Variants in INSC observed in about 807,000 individuals in gnomAD.
INSC encodes INSC spindle orientation adaptor protein.
In INSC, 67 loss-of-function variants were observed where a neutral mutation model predicts 58.6. That is an observed-to-expected ratio of 1.14 (90% CI 0.94 to 1.40). The LOEUF is 1.40. INSC is among the 40% of genes most tolerant of loss of function. The pLI is 0.00. For missense variants in INSC, 714 were observed against 692.0 expected, an observed-to-expected ratio of 1.03 and a Z score of -0.36; for synonymous variants, 262 against 276.1, an observed-to-expected ratio of 0.95 and a Z score of 0.51.
At chr11:15,119,534 C>T (rs914155062) in intron 1 of INSC, among the ~76,000 whole-genome samples, 8 of 152,226 alleles carry the variant, frequency 5.3e-5, no homozygotes, top group African/African-American at 1.7e-4. Flanking sequence ...CTGTAGGCGT[C>T]AGCAGTTTGG....
chr11:15,151,814 G>A (rs565180079), intron 2 of INSC, among the ~76,000 whole-genome samples: 77 of 152,264 alleles, frequency 5.1e-4, no homozygotes, highest in African/African-American at 1.8e-3. Flanking sequence ...CTGGAGCCCA[G>A]GGTCCACACA....
intron 1 of INSC, among the ~76,000 whole-genome samples, chr11:15,121,450 G>T (rs980163818): frequency 1.3e-5 from 2 of 152,218 alleles, no homozygotes; most frequent in Non-Finnish European, 2.9e-5. Flanking sequence ...CTGCAGTGAG[G>T]TTATGTCCTC....
chr11:15,255,014 G>A, the INSC span, among the ~76,000 whole-genome samples: 3 of 152,126 alleles, frequency 2.0e-5, no homozygotes, highest in Non-Finnish European at 2.9e-5. Flanking sequence ...AACAATTCCT[G>A]CTAAGTAGTT....
chr11:15,154,050 A>G (rs972975455), intron 2 of INSC, among the ~76,000 whole-genome samples: 1 of 145,580 alleles, frequency 6.9e-6, no homozygotes, highest in African/African-American at 2.5e-5. Context: ...TGGACCAAGA[A>G]CTTACTTTGA....
Position 15,116,219 on chromosome 11 carries a change from G to T in INSC, c.-46+1216G>T, listed in dbSNP as rs895455338. On this transcript the variant is annotated intron_variant, in intron 1 of 12. Transcript: ENST00000379556. ...CCAGGTCAGGCTGGGATCTGACATG[G>T]AGCTCAGCATATATAATTTGCTCCA... Among the ~76,000 whole-genome samples, 3 of 152,294 alleles carry T rather than the reference G, an allele frequency of 2.0e-5. No homozygotes were observed. The East Asian group carries it at 5.8e-4, about 29-fold the overall frequency.
the INSC span, among the ~76,000 whole-genome samples, chr11:15,265,371 A>G: frequency 6.6e-6 from 1 of 152,084 alleles, no homozygotes; most frequent in Non-Finnish European, 1.5e-5. Context: ...TTCTGGAATA[A>G]TTTGTAAGAT....
At chr11:15,127,531 T>G (rs1416298558) in intron 1 of INSC, among the ~76,000 whole-genome samples, 1 of 152,208 alleles carries the variant, frequency 6.6e-6, no homozygotes, top group African/African-American at 2.4e-5. Context: ...TTGGTCAGCA[T>G]CCTGTCCTGT....
chr11:15,169,669 G>T (rs940881602), intron 2 of INSC, among the ~76,000 whole-genome samples: 3 of 151,946 alleles, frequency 2.0e-5, no homozygotes, highest in Non-Finnish European at 4.4e-5. Context: ...AACCTCCCGA[G>T]TAGCTGGGAT....
intron 5 of INSC, among the ~76,000 whole-genome samples, chr11:15,178,760 T>C (rs1238010967): frequency 6.6e-6 from 1 of 152,118 alleles, no homozygotes; most frequent in Non-Finnish European, 1.5e-5. Context: ...TCTACTTTCA[T>C]TATTACTCCC....
chr11:15,114,594 G>C (rs981221788), upstream of INSC, among the ~76,000 whole-genome samples: 3 of 152,188 alleles, frequency 2.0e-5, no homozygotes, highest in Non-Finnish European at 2.9e-5. Flanking sequence ...ACGGCTTCGC[G>C]GCTCCCGGGC....
chr11:15,161,335 A>G (rs1446031773), intron 2 of INSC, among the ~76,000 whole-genome samples: 1 of 152,246 alleles, frequency 6.6e-6, no homozygotes, highest in Non-Finnish European at 1.5e-5. Flanking sequence ...AAAAAATGAT[A>G]TAGAACACGT....
In INSC at chr11:15,149,226, C is replaced by A; in HGVS notation, c.52C>A (p.Gln18Lys). ...CCTGGACTCCGTCACCCTGCCGGGT[C>A]AGCGGTAAGTCCTACAGCTGTCACT... ...RHLDSVTLPG[Q>K]RLHLMQVDSV... The change falls in exon 2 of 13, where the codon CAG (glutamine) becomes AAG (lysine). Residue 18 changes from glutamine to lysine, a missense_variant. Coordinates refer to ENST00000379556, the MANE Select transcript of INSC (RefSeq NM_001042536.3). 6.2e-7 allele frequency: 1 copy of A among 1,605,692 alleles called. No homozygotes were observed. Among genetic ancestry groups the A allele is most frequent in the Non-Finnish European group, 8.5e-7 (1 of 1,176,318 alleles).
intron 5 of INSC, among the ~76,000 whole-genome samples, chr11:15,182,673 G>C (rs1262733702): frequency 1.3e-5 from 2 of 152,188 alleles, no homozygotes; most frequent in Non-Finnish European, 2.9e-5. Flanking sequence ...GCTTCTTGAA[G>C]TGACAGACCA....
intron 1 of INSC, among the ~76,000 whole-genome samples, chr11:15,119,158 C>G (rs950518396): frequency 6.6e-6 from 1 of 152,224 alleles, no homozygotes; most frequent in Non-Finnish European, 1.5e-5. Context: ...ACTTCTCTGT[C>G]TGTCTCCAGG....
In INSC at chr11:15,225,354, C is replaced by A. The variant is rs1348485331; in HGVS notation, c.992-296C>A. The stretch of plus-strand genomic sequence containing the variant: ...GAGCTCAACAAAGGCAAGGACCTGA[C>A]CTGTTTTGTTCACTATGCCATCCCA... On this transcript the variant is annotated intron_variant, in intron 8 of 12. Coordinates refer to ENST00000379556, the MANE Select transcript of INSC (RefSeq NM_001042536.3). Among the ~76,000 whole-genome samples the A allele has an allele frequency of 3.3e-5, 5 of 152,274 alleles. No individual in the cohort carries two copies. The South Asian group carries it at 8.3e-4, about 25-fold the overall frequency.
chr11:15,160,733 C>T (rs1418051723), intron 2 of INSC, among the ~76,000 whole-genome samples: 1 of 152,196 alleles, frequency 6.6e-6, no homozygotes, highest in East Asian at 1.9e-4. Context: ...GTCAGATGTA[C>T]ACATTGGCTC....
At chr11:15,222,442 T>G (rs892279799) in intron 8 of INSC, among the ~76,000 whole-genome samples, 1 of 152,160 alleles carries the variant, frequency 6.6e-6, no homozygotes, top group African/African-American at 2.4e-5. Context: ...ATGCCAGGGC[T>G]GGGAATATCT....
intron 6 of INSC, among the ~76,000 whole-genome samples, chr11:15,194,793 A>G (rs1013871536): frequency 1.3e-5 from 2 of 152,352 alleles, no homozygotes; most frequent in South Asian, 4.1e-4. Flanking sequence ...TTTAAGTTTA[A>G]TTCAGAGTTC....
At chr11:15,116,813 C>CTTTCTTTA in intron 1 of INSC, among the ~76,000 whole-genome samples, 1 of 25,052 alleles carries the variant, frequency 4.0e-5, no homozygotes, top group African/African-American at 2.4e-4. Flanking sequence ...TCTTTTCTTT[C>CTTTCTTTA]TTTCTTTCTT....
Sources: allele counts gnomAD v4.1 joint callset (sites outside exome capture counted in the v4.1 genomes callset), GRCh38; gene constraint gnomAD v4.1.1; transcripts MANE v1.5; gene names NCBI Gene and HGNC (gene_info 2026-07-23, HGNC 2026-07-21).